Variants in PPP1R14C observed in about 807,000 individuals in gnomAD.
PPP1R14C encodes the protein protein phosphatase 1 regulatory inhibitor subunit 14C, also known as protein phosphatase 1 regulatory subunit 14C.
Under a neutral mutation model 20.4 loss-of-function variants are expected in PPP1R14C, and 16 were observed. That is an observed-to-expected ratio of 0.78 (90% confidence interval 0.53 to 1.19). The LOEUF (loss-of-function observed/expected upper bound fraction) is 1.19, where lower values mean the gene tolerates loss of function less well. Among genes scored for constraint, PPP1R14C ranks in the 50% most tolerant of loss-of-function variants. The pLI is 0.00. For missense variants in PPP1R14C, 211 were observed against 220.1 expected (o/e 0.96, Z 0.26); for synonymous variants, 91 against 91.0 (o/e 1.00, Z 0.00).
chr6:150,242,310 A>G (rs1778441671), intron 3 of PPP1R14C, among the ~76,000 whole-genome samples: 1 of 46,352 alleles, frequency 2.2e-5, no homozygotes, highest in African/African-American at 2.5e-4. Context: ...AAAGATAAAG[A>G]TATTACAAGA....
intron 2 of PPP1R14C, among the ~76,000 whole-genome samples, chr6:150,216,332 C>T (rs965368540): frequency 2.0e-5 from 3 of 152,132 alleles, no homozygotes; most frequent in African/African-American, 7.2e-5. Context: ...CCTGTCTCTA[C>T]TAAAAATACA....
At chr6:150,152,857 T>C (rs1777265770) in intron 1 of PPP1R14C, among the ~76,000 whole-genome samples, 1 of 152,156 alleles carries the variant, frequency 6.6e-6, no homozygotes, top group South Asian at 2.1e-4. Flanking sequence ...TCTCCCCAGA[T>C]TCATAGGTTG....
At chr6:150,187,264 T>C (rs1582909162) in intron 1 of PPP1R14C, among the ~76,000 whole-genome samples, 1 of 149,116 alleles carries the variant, frequency 6.7e-6, no homozygotes, top group Admixed American at 6.6e-5. Flanking sequence ...TGTGTGTGTG[T>C]GTGTGTGTGT....
At chr6:150,210,957 C>A (rs752738469) in intron 1 of PPP1R14C, among the ~76,000 whole-genome samples, 2 of 152,152 alleles carry the variant, frequency 1.3e-5, no homozygotes, top group African/African-American at 2.4e-5. Context: ...CCTTTCTACA[C>A]CCACATTTAG....
chr6:150,191,501 A>T (rs1206116632), intron 1 of PPP1R14C, among the ~76,000 whole-genome samples: 1 of 152,218 alleles, frequency 6.6e-6, no homozygotes, highest in African/African-American at 2.4e-5. Flanking sequence ...AGATGTGTGT[A>T]TGTCTCTCAG....
At chr6:150,166,780 A>G (rs1287291197) in intron 1 of PPP1R14C, among the ~76,000 whole-genome samples, 3 of 152,122 alleles carry the variant, frequency 2.0e-5, no homozygotes, top group Non-Finnish European at 2.9e-5. Context: ...CCGTGATGGG[A>G]CTGTGATTCT....
intron 3 of PPP1R14C, among the ~76,000 whole-genome samples, chr6:150,236,146 C>A (rs1778357159): frequency 6.6e-6 from 1 of 152,130 alleles, no homozygotes; most frequent in Admixed American, 6.5e-5. Flanking sequence ...TTGGTCTGAC[C>A]ATTGAGCTGC....
chr6:150,237,603 G>A (rs1488235111), intron 3 of PPP1R14C, among the ~76,000 whole-genome samples: 1 of 152,206 alleles, frequency 6.6e-6, no homozygotes, highest in Non-Finnish European at 1.5e-5. Flanking sequence ...CACTTGTACA[G>A]CACTTACTAC....
intron 1 of PPP1R14C, among the ~76,000 whole-genome samples, chr6:150,187,492 T>A (rs1346457999): frequency 6.6e-6 from 1 of 152,138 alleles, no homozygotes; most frequent in Non-Finnish European, 1.5e-5. Context: ...GTTGTTCTCC[T>A]CTGTGTGTCC....
At chr6:150,242,004 A>G (rs1208250602) in intron 3 of PPP1R14C, among the ~76,000 whole-genome samples, 1 of 152,226 alleles carries the variant, frequency 6.6e-6, no homozygotes, top group Non-Finnish European at 1.5e-5. Context: ...GACATGAGGT[A>G]TTCTGTGTTG....
intron 1 of PPP1R14C, among the ~76,000 whole-genome samples, chr6:150,206,168 C>A (rs1371249655): frequency 6.6e-6 from 1 of 152,176 alleles, no homozygotes; most frequent in South Asian, 2.1e-4. Context: ...AATCAGATAC[C>A]TTTCTCGCTG....
chr6:150,215,979 G>T (rs369245811), intron 2 of PPP1R14C, among the ~76,000 whole-genome samples: 2 of 152,274 alleles, frequency 1.3e-5, no homozygotes, highest in African/African-American at 4.8e-5. Flanking sequence ...GAGGTAAAAA[G>T]TCATTGACCA....
intron 1 of PPP1R14C, among the ~76,000 whole-genome samples, chr6:150,181,532 G>A (rs956305691): frequency 2.6e-5 from 4 of 152,040 alleles, no homozygotes; most frequent in South Asian, 4.2e-4. Flanking sequence ...CTGTCTCTTC[G>A]CTTACTTTAT....
rs563210808 is a variant in PPP1R14C, at chr6:150,194,905, A to T, written c.307-19839A>T. On this transcript the variant is annotated intron_variant, in intron 1 of 3. Coordinates refer to ENST00000361131, the MANE Select transcript of PPP1R14C (RefSeq NM_030949.3). ...ACTGATTTAAAGGTGAGATTGACTC[A>T]GTTCATAAATATGACAGTTGATCCA... 1.6e-4 allele frequency: 161 copies of T among 985,468 alleles called. No homozygotes were observed. The South Asian group carries it at 4.4e-3, about 27-fold the overall frequency. 61.0% of individuals were successfully genotyped at this position (985,468 alleles called of 1,614,324 possible). A position where few individuals can be genotyped will look rare whatever the true frequency, so the allele number is the denominator to read the frequency against.
intron 3 of PPP1R14C, among the ~76,000 whole-genome samples, chr6:150,233,632 G>C (rs532435603): frequency 2.0e-5 from 3 of 152,112 alleles, no homozygotes; most frequent in Non-Finnish European, 2.9e-5. Flanking sequence ...TGTAAGGAGC[G>C]CCCCCCTCCC....
chr6:150,173,834 A>G lies in PPP1R14C; in HGVS notation c.306+30336A>G, dbSNP rs145578891. Among the ~76,000 whole-genome samples, 534 of 152,008 alleles carry G rather than the reference A, an allele frequency of 3.5e-3. 7 individuals carry two copies. Among genetic ancestry groups the G allele is most frequent in the East Asian group, 0.011 (56 of 5,140 alleles). ...AGACCTGAGGCTCCTAAGCACCCCA[A>G]TCTCTCATCTCAACTTCAGGATAGC... is the stretch of plus-strand genomic sequence containing the variant. On this transcript the variant is annotated intron_variant, in intron 1 of 3. Coordinates refer to ENST00000361131, the MANE Select transcript of PPP1R14C (RefSeq NM_030949.3).
At chr6:150,245,649 T>C (rs988130735) in intron 3 of PPP1R14C, among the ~76,000 whole-genome samples, 1 of 152,246 alleles carries the variant, frequency 6.6e-6, no homozygotes, top group African/African-American at 2.4e-5. Flanking sequence ...TCAGTGTCTG[T>C]AACCCAAGTT....
rs1189806186 is a variant in PPP1R14C, at chr6:150,143,065, G to T, written c.-128G>T. On this transcript the variant is annotated 5_prime_UTR_variant, in exon 1 of 4. Coordinates refer to ENST00000361131, the MANE Select transcript of PPP1R14C (RefSeq NM_030949.3). The surrounding 1 kb of genome is among the most constrained non-coding windows in gnomAD (Gnocchi z 5.6). The stretch of plus-strand genomic sequence containing the variant: ...TCCCAGAGCAGCCGGGCGGCTGGGC[G>T]CGCGCGGCGCAGAGCAGGTGCCGGG... The T allele has an allele frequency of 9.2e-7, 1 of 1,081,456 alleles. No homozygotes were observed. Among genetic ancestry groups the T allele is most frequent in the Non-Finnish European group, 1.1e-6 (1 of 896,250 alleles). 67.0% of individuals were successfully genotyped at this position (1,081,456 alleles called of 1,614,324 possible).
chr6:150,150,782 T>C (rs1777237343), intron 1 of PPP1R14C, among the ~76,000 whole-genome samples: 1 of 152,172 alleles, frequency 6.6e-6, no homozygotes, highest in South Asian at 2.1e-4. Context: ...CGACACCCCT[T>C]TCTTGGCTGA....
Sources: allele counts gnomAD v4.1 joint callset (sites outside exome capture counted in the v4.1 genomes callset), GRCh38; gene constraint gnomAD v4.1.1; non-coding constraint Gnocchi (gnomAD v3.1); transcripts MANE v1.5; gene names NCBI Gene and HGNC (gene_info 2026-07-23, HGNC 2026-07-21).